AKAP13: variants seen among roughly 807,000 people sequenced by gnomAD.
AKAP13 encodes A-kinase anchor protein 13.
Under a neutral mutation model 264.5 loss-of-function variants are expected in AKAP13, and 80 were observed. That is an observed-to-expected ratio of 0.30 (90% CI 0.25 to 0.36). The LOEUF is 0.36. Ranked by LOEUF, AKAP13 falls within the 10% of genes least tolerant of loss-of-function variation. The pLI, the probability that AKAP13 is intolerant of heterozygous loss-of-function variation, is 1.00. For synonymous variants in AKAP13, 1,380 were observed against 1,250.2 expected (o/e 1.10, Z -2.19); for missense variants, 3,712 against 3,435.2 (o/e 1.08, Z -2.01).
Position 85,727,711 on chromosome 15 carries a change from AG to A in AKAP13, c.7087+250del, listed in dbSNP as rs2151743343. 6.6e-6 allele frequency among the ~76,000 whole-genome samples: 1 copy of A among 152,346 alleles called. No individual in the cohort carries two copies. Among genetic ancestry groups the A allele is most frequent in the South Asian group, 2.1e-4 (1 of 4,830 alleles). On this transcript the variant is annotated intron_variant, in intron 29 of 36. Transcript: ENST00000394518. This position sits in a 1 kb window ranked among gnomAD's most constrained non-coding sequence, Gnocchi z 5.3. ...AAGAGAATATTGATTCTCTTGACTC[AG>A]GATCCGTGTTCTCAAACCTCATGAC... is the stretch of plus-strand genomic sequence containing the variant.
chr15:85,699,615 T>TA (rs746582151), intron 17 of AKAP13, among the ~76,000 whole-genome samples: 2 of 152,226 alleles, frequency 1.3e-5, no homozygotes, highest in Non-Finnish European at 2.9e-5. Context: ...TTTGTATGTC[T>TA]AAAAACAAAA....
chr15:85,549,105 G>A (rs2077860737), intron 5 of AKAP13, among the ~76,000 whole-genome samples: 2 of 152,044 alleles, frequency 1.3e-5, no homozygotes, highest in Admixed American at 1.3e-4. Context: ...CCAGAATCTT[G>A]AAGTATTTTA....
chr15:85,538,687 C>T (rs1204359499), intron 4 of AKAP13, among the ~76,000 whole-genome samples: 3 of 150,774 alleles, frequency 2.0e-5, no homozygotes, highest in African/African-American at 7.3e-5. Flanking sequence ...GACGGGGTTT[C>T]ACTGTGTTAG....
chr15:85,437,321 A>T (rs1227130134), intron 1 of AKAP13, among the ~76,000 whole-genome samples: 1 of 152,220 alleles, frequency 6.6e-6, no homozygotes, highest in African/African-American at 2.4e-5. Flanking sequence ...AATTATGGCA[A>T]TAATCAATAG....
chr15:85,409,084 G>C (rs886328344), intron 1 of AKAP13, among the ~76,000 whole-genome samples: 1 of 151,668 alleles, frequency 6.6e-6, no homozygotes, highest in Non-Finnish European at 1.5e-5. Flanking sequence ...TTAGTGATGT[G>C]AGCATCTTTT....
chr15:85,440,073 A>T (rs575561537), intron 1 of AKAP13, among the ~76,000 whole-genome samples: 22 of 152,306 alleles, frequency 1.4e-4, no homozygotes, highest in African/African-American at 2.2e-4. Context: ...CACCTAACAA[A>T]GCTTTCAGTG....
intron 17 of AKAP13, among the ~76,000 whole-genome samples, chr15:85,698,747 C>G (rs990394776): frequency 6.6e-6 from 1 of 151,664 alleles, no homozygotes; most frequent in Non-Finnish European, 1.5e-5. Context: ...AGTTTGAGAC[C>G]AGCCTGGCCA....
intron 17 of AKAP13, among the ~76,000 whole-genome samples, chr15:85,698,787 T>A (rs2085722899): frequency 6.7e-6 from 1 of 148,822 alleles, no homozygotes; most frequent in African/African-American, 2.5e-5. Context: ...CTACTAAAAA[T>A]ACAGAAATCA....
At position 85,613,691 on chromosome 15, in the gene AKAP13, A is replaced by AAT. The variant is rs751538813; in HGVS notation, c.4162-25662_4162-25661dup. On this transcript the variant is annotated intron_variant, in intron 8 of 36. Coordinates refer to ENST00000394518, the MANE Select transcript of AKAP13 (RefSeq NM_007200.5). ...GCCAGACTCCGTCTAAAAAAAAAAA[A>AAT]ATATATATATATATATATATATTAG... Among the ~76,000 whole-genome samples, 807 of 91,974 alleles carry AAT rather than the reference A, an allele frequency of 8.8e-3. 36 individuals are homozygous for AAT. The highest frequency in any genetic ancestry group is 0.029 in the African/African-American group (638 of 21,948). The allele number at this position is 91,974 out of a possible 152,430, so 60.3% of individuals were successfully genotyped here. A position where few individuals can be genotyped will look rare whatever the true frequency, so the allele number is the denominator to read the frequency against.
At chr15:85,677,369 A>C (rs370205927) in intron 14 of AKAP13, among the ~76,000 whole-genome samples, 7 of 152,190 alleles carry the variant, frequency 4.6e-5, no homozygotes, top group African/African-American at 1.7e-4. Flanking sequence ...TCAAAGGTGT[A>C]GGGGGTGTGT....
rs116090433 is a variant in AKAP13, at chr15:85,579,060, C to A, written c.992C>A (p.Ser331Tyr). The A allele has an allele frequency of 1.2e-6, 2 of 1,614,174 alleles. No individual in the cohort carries two copies. Among genetic ancestry groups the A allele is most frequent in the East Asian group, 2.2e-5 (1 of 44,878 alleles). ...GAGCCCACGGACCCTCAGCGACTTT[C>A]TTCTTCTGAAGAGACTGAGAGCACT... is the stretch of plus-strand genomic sequence containing the variant. ...APEPTDPQRLSSSEETESTQC... is the reference protein window; with the variant it reads ...APEPTDPQRLYSSEETESTQC... Residue 331 changes from serine to tyrosine, a missense_variant, in exon 7 of 37, where the codon TCT (serine) becomes TAT (tyrosine). Ser to Tyr is a moderately radical substitution (Grantham distance 144). This residue lies in a region of AKAP13 where 2,759 missense variants were observed against 2,411.7 expected (regional missense o/e 1.14). Coordinates refer to ENST00000394518, the MANE Select transcript of AKAP13 (RefSeq NM_007200.5).
intron 3 of AKAP13, among the ~76,000 whole-genome samples, chr15:85,529,865 A>T (rs1424370450): frequency 6.6e-6 from 1 of 152,236 alleles, no homozygotes; most frequent in African/African-American, 2.4e-5. Context: ...TTTGAAAAAG[A>T]AGCCTCTAAT....
chr15:85,562,183 A>G (rs567555897), intron 5 of AKAP13, among the ~76,000 whole-genome samples: 1 of 152,356 alleles, frequency 6.6e-6, no homozygotes, highest in East Asian at 1.9e-4. Context: ...TAAGCAGTTG[A>G]TAAATATTAA....
intron 1 of AKAP13, among the ~76,000 whole-genome samples, chr15:85,437,733 A>C (rs555285209): frequency 2.6e-5 from 4 of 152,374 alleles, no homozygotes; most frequent in Admixed American, 2.0e-4. Flanking sequence ...TGGTTATCTC[A>C]ATAGATGCAG....
intron 8 of AKAP13, among the ~76,000 whole-genome samples, chr15:85,601,563 C>A (rs975597477): frequency 6.7e-6 from 1 of 148,360 alleles, no homozygotes; most frequent in Non-Finnish European, 1.5e-5. Context: ...CATTAAACTG[C>A]CAATTTAGGG....
chr15:85,540,044 G>T (rs764444803), intron 4 of AKAP13, among the ~76,000 whole-genome samples: 1 of 152,130 alleles, frequency 6.6e-6, no homozygotes, highest in Non-Finnish European at 1.5e-5. Flanking sequence ...TAGAGAAGCA[G>T]AACCACTAAG....
intron 1 of AKAP13, among the ~76,000 whole-genome samples, chr15:85,439,852 G>A (rs2073547122): frequency 6.8e-6 from 1 of 147,070 alleles, no homozygotes; most frequent in South Asian, 2.2e-4. Context: ...GATAGCATTA[G>A]GAGATATACC....
At chr15:85,619,958 G>C in intron 8 of AKAP13, 7 of 1,457,040 alleles carry the variant, frequency 4.8e-6, no homozygotes, top group Non-Finnish European at 5.4e-6. Context: ...AGTTTTAATA[G>C]AGAGGAGTCT....
intron 8 of AKAP13, among the ~76,000 whole-genome samples, chr15:85,608,690 T>C (rs2080464498): frequency 6.6e-6 from 1 of 152,184 alleles, no homozygotes; most frequent in South Asian, 2.1e-4. Context: ...CCAGAAACCA[T>C]GATTGTTCTG....
Sources: allele counts gnomAD v4.1 joint callset (sites outside exome capture counted in the v4.1 genomes callset), GRCh38; gene constraint gnomAD v4.1.1; regional missense constraint gnomAD v4.1.1; non-coding constraint Gnocchi (gnomAD v3.1); transcripts MANE v1.5; gene names NCBI Gene and HGNC (gene_info 2026-07-23, HGNC 2026-07-21).